LRRK2: variants seen among roughly 807,000 people sequenced by gnomAD.
LRRK2 encodes leucine-rich repeat serine/threonine-protein kinase 2.
Under a neutral mutation model 302.6 loss-of-function variants are expected in LRRK2, and 203 were observed. That is an observed-to-expected ratio of 0.67 (90% CI 0.60 to 0.75). The LOEUF (loss-of-function observed/expected upper bound fraction) is 0.75. Ranked by LOEUF, LRRK2 falls within the 30% of genes least tolerant of loss-of-function variation. The pLI is 0.00. For missense variants in LRRK2, 2,830 were observed against 2,951.0 expected (o/e 0.96, Z 0.95); for synonymous variants, 1,066 against 1,031.9 (o/e 1.03, Z -0.63).
rs1370025585 is a variant in LRRK2, at chr12:40,340,106, C to A, written c.5949-188C>A. Among the ~76,000 whole-genome samples the A allele has an allele frequency of 2.6e-5, 4 of 152,068 alleles. 1 individual carries two copies. The highest frequency in any genetic ancestry group is 5.9e-5 in the Non-Finnish European group (4 of 68,004). On this transcript the variant is annotated intron_variant, in intron 40 of 50. Coordinates refer to ENST00000298910, the MANE Select transcript of LRRK2 (RefSeq NM_198578.4). ...GATTTGACCCTTTTTTAAAGCATAA[C>A]TTTGCTGTGTAATATTAGACTTATA...
rs867972828 is a variant in LRRK2 at position 40,244,577 on chromosome 12, C to T, written c.838+896C>T. Among the ~76,000 whole-genome samples the T allele has an allele frequency of 2.0e-5, 3 of 151,936 alleles. No homozygotes were observed. In the South Asian group the frequency reaches 6.2e-4, roughly 32 times the overall value. On this transcript the variant is annotated intron_variant, in intron 7 of 50. Transcript: ENST00000298910. ...ATTTATTTGCCATTGGTATGTCCTTCTTTGTGAAATATGCAATCTGTCATT... is the reference window on the plus strand; with the variant it reads ...ATTTATTTGCCATTGGTATGTCCTTTTTTGTGAAATATGCAATCTGTCATT...
Position 40,364,975 on chromosome 12 carries a change from C to T in LRRK2, c.7315C>T (p.Leu2439Phe), listed in dbSNP as rs72547983. The change falls in exon 49 of 51, where the codon CTT becomes TTT. Residue 2439 changes from leucine (L) to phenylalanine (F), a missense_variant. Leu to Phe is a conservative substitution (Grantham distance 22). Coordinates refer to ENST00000298910, the MANE Select transcript of LRRK2 (RefSeq NM_198578.4). ...AGGAGGCCATATTTTACTCCTGGAT[C>T]TTTCAACTCGTCGACTTATACGTGT... Reference protein sequence around the residue: ...TGGGHILLLDLSTRRLIRVIY... With the variant: ...TGGGHILLLDFSTRRLIRVIY... 6.2e-7 allele frequency: 1 copy of T among 1,612,576 alleles called. No individual in the cohort carries two copies. The highest frequency in any genetic ancestry group is 1.7e-5 in the Admixed American group (1 of 59,844).
At position 40,322,358 on chromosome 12, in the gene LRRK2, C is replaced by T. The variant is rs1239894151; in HGVS notation, c.5357C>T (p.Ser1786Phe). 7 of 1,613,554 alleles carry T rather than the reference C, an allele frequency of 4.3e-6. No homozygotes were observed. The highest frequency in any genetic ancestry group is 5.9e-6 in the Non-Finnish European group (7 of 1,179,674). ...GGCCAAGTTGTGGACCACATTGATTCTCTCATGGAAGAATGGTTTCCTGGG... is the reference window on the plus strand; with the variant it reads ...GGCCAAGTTGTGGACCACATTGATTTTCTCATGGAAGAATGGTTTCCTGGG... Reference protein sequence around the residue: ...LLGQVVDHIDSLMEEWFPGLL... With the variant: ...LLGQVVDHIDFLMEEWFPGLL... Residue 1786 changes from serine (S) to phenylalanine (F), a missense_variant, in exon 37 of 51, where the codon TCT (serine) becomes TTT (phenylalanine). Physicochemically the swap from Ser to Phe is radical, Grantham distance 155. Around this residue, in one of 3 missense-constraint regions of LRRK2, gnomAD observed 2,121 missense variants for 2,148.0 expected, o/e 0.99. Transcript: ENST00000298910.
chr12:40,292,936 A>T (rs1274525454), intron 20 of LRRK2, among the ~76,000 whole-genome samples: 1 of 152,066 alleles, frequency 6.6e-6, no homozygotes, highest in Non-Finnish European at 1.5e-5. Context: ...ACCATTCCAT[A>T]AAAGAAACCA....
intron 47 of LRRK2, among the ~76,000 whole-genome samples, chr12:40,361,132 AT>A (rs910566534): frequency 3.6e-4 from 54 of 150,116 alleles, no homozygotes; most frequent in African/African-American, 1.2e-3. Flanking sequence ...TGGGGATCAG[AT>A]TTTTTTTTTC....
chr12:40,318,933 A>G (rs1945313659), intron 33 of LRRK2, among the ~76,000 whole-genome samples: 1 of 152,072 alleles, frequency 6.6e-6, no homozygotes, highest in African/African-American at 2.4e-5. Flanking sequence ...TCAACCATGC[A>G]TTCATTGATT....
rs11564266 is a variant in LRRK2, at chr12:40,356,393, A to C, written c.6843+206A>C. ...CTGTATATTTTATATGAATGAACTA[A>C]GAATAAAATGATAAATGACATCTGA... is the stretch of plus-strand genomic sequence containing the variant. On this transcript the variant is annotated intron_variant, in intron 46 of 50. Coordinates refer to ENST00000298910, the MANE Select transcript of LRRK2 (RefSeq NM_198578.4). 0.032 allele frequency among the ~76,000 whole-genome samples: 4,891 copies of C among 152,330 alleles called. 224 individuals are homozygous for C. Among genetic ancestry groups the C allele is most frequent in the Admixed American group, 0.12 (1,801 of 15,302 alleles).
intron 33 of LRRK2, among the ~76,000 whole-genome samples, chr12:40,318,899 G>T (rs1945311804): frequency 6.6e-6 from 1 of 152,048 alleles, no homozygotes; most frequent in Admixed American, 6.6e-5. Context: ...ATTGCACACT[G>T]TCATTAAATA....
intron 40 of LRRK2, 60 bp downstream of exon 40, chr12:40,335,217 C>T (rs1191891355): frequency 1.3e-6 from 2 of 1,574,534 alleles, no homozygotes; most frequent in Non-Finnish European, 1.7e-6. Context: ...GACTTGCTCT[C>T]AGGTTCTGAG....
chr12:40,363,277 A>C, intron 47 of LRRK2, 125 bp from the exon 48 acceptor site: 1 of 783,700 alleles, frequency 1.3e-6, no homozygotes, highest in East Asian at 2.7e-5. Flanking sequence ...TAATTGCAAT[A>C]GTCTAGCTTG....
At chr12:40,284,819 C>G (rs1302670312) in intron 19 of LRRK2, among the ~76,000 whole-genome samples, 1 of 152,090 alleles carries the variant, frequency 6.6e-6, no homozygotes, top group Non-Finnish European at 1.5e-5. Context: ...TCATCAAACT[C>G]CATGAATCAA....
chr12:40,307,765 T>C (rs891088764), intron 28 of LRRK2, among the ~76,000 whole-genome samples: 1 of 95,822 alleles, frequency 1.0e-5, no homozygotes, highest in Non-Finnish European at 2.1e-5. Flanking sequence ...ATAGGGTTTT[T>C]CTTTTCTTTT....
rs1284232392 is a variant in LRRK2 at position 40,309,150 on chromosome 12, C to T, written c.4234C>T (p.Arg1412Ter). The change falls in exon 30 of 51, where the codon CGA becomes TGA. Residue 1412 changes from arginine (R) to a stop codon, truncating the protein, a stop_gained. Transcript: ENST00000298910. LOFTEE classifies it high-confidence loss of function. ...TACTCATCCCCATTTTATGACGCAG[C>T]GAGCATTGTACCTTGCTGTCTATGA... ...YSTHPHFMTQ[R>*]ALYLAVYDLS... The T allele has an allele frequency of 3.7e-6, 6 of 1,613,748 alleles. No homozygotes were observed. The highest frequency in any genetic ancestry group is 4.5e-5 in the East Asian group (2 of 44,872).
intron 16 of LRRK2, among the ~76,000 whole-genome samples, chr12:40,276,380 C>G (rs895043978): frequency 6.6e-6 from 1 of 152,138 alleles, no homozygotes; most frequent in Non-Finnish European, 1.5e-5. Context: ...ACATCACCCT[C>G]CGCCTCCTGG....
At chr12:40,335,985 A>C (rs952781294) in intron 40 of LRRK2, among the ~76,000 whole-genome samples, 1 of 152,138 alleles carries the variant, frequency 6.6e-6, no homozygotes, top group African/African-American at 2.4e-5. Context: ...TAACGTCTAA[A>C]TCTGAGCCAG....
intron 28 of LRRK2, among the ~76,000 whole-genome samples, chr12:40,307,630 A>AAT (rs1461002471): frequency 6.6e-6 from 1 of 151,996 alleles, no homozygotes; most frequent in Non-Finnish European, 1.5e-5. Flanking sequence ...ACCATATATG[A>AAT]ATATATACAC....
chr12:40,261,802 G>A (rs1942789518), intron 13 of LRRK2, among the ~76,000 whole-genome samples: 1 of 152,078 alleles, frequency 6.6e-6, no homozygotes, highest in South Asian at 2.1e-4. Flanking sequence ...TGGCAAAGAT[G>A]TACATTATGG....
intron 3 of LRRK2, 139 bp downstream of exon 3, chr12:40,232,522 C>A: frequency 1.4e-6 from 1 of 691,684 alleles, no homozygotes; most frequent in Non-Finnish European, 2.6e-6. Flanking sequence ...TTCCTTGAGT[C>A]AATGATTTAC....
chr12:40,230,497 G>A (rs994086223), intron 2 of LRRK2, among the ~76,000 whole-genome samples: 7 of 152,022 alleles, frequency 4.6e-5, no homozygotes, highest in African/African-American at 1.4e-4. Context: ...CCGCTCATCC[G>A]TTCTTATACA....
Sources: allele counts gnomAD v4.1 joint callset (sites outside exome capture counted in the v4.1 genomes callset), GRCh38; gene constraint gnomAD v4.1.1; regional missense constraint gnomAD v4.1.1; transcripts MANE v1.5; gene names NCBI Gene and HGNC (gene_info 2026-07-23, HGNC 2026-07-21).